GALNT16: variants seen among roughly 807,000 people sequenced by gnomAD.
The protein encoded by GALNT16 is polypeptide N-acetylgalactosaminyltransferase 16.
GALNT16 carries 40 observed loss-of-function variants against 76.1 expected under a neutral mutation model. The observed-to-expected ratio is 0.53, with a 90% confidence interval of 0.41 to 0.68. The LOEUF (loss-of-function observed/expected upper bound fraction) is 0.68. Among genes scored for constraint, GALNT16 ranks in the 30% least tolerant of loss-of-function variants. The pLI is 0.00. For synonymous variants in GALNT16, 276 were observed against 285.2 expected, an observed-to-expected ratio of 0.97 and a Z score of 0.32; for missense variants, 621 against 731.9, an observed-to-expected ratio of 0.85 and a Z score of 1.75.
chr14:69,378,411 G>C, the GALNT16 span, among the ~76,000 whole-genome samples: 7 of 152,148 alleles, frequency 4.6e-5, no homozygotes, highest in African/African-American at 1.7e-4. Flanking sequence ...AATCAAACCT[G>C]TTTTACTTGT....
intron 9 of GALNT16, among the ~76,000 whole-genome samples, chr14:69,336,003 C>G (rs2045410770): frequency 6.6e-6 from 1 of 152,146 alleles, no homozygotes; most frequent in African/African-American, 2.4e-5. Context: ...GAGGAAAACC[C>G]AAACTCCTTA....
intron 6 of GALNT16, among the ~76,000 whole-genome samples, chr14:69,331,251 A>T (rs1171096486): frequency 6.6e-6 from 1 of 152,194 alleles, no homozygotes; most frequent in Non-Finnish European, 1.5e-5. Flanking sequence ...TGGAGAGTAC[A>T]TGGGAGCCAA....
chr14:69,306,151 G>A (rs1467084585), intron 1 of GALNT16, among the ~76,000 whole-genome samples: 1 of 152,192 alleles, frequency 6.6e-6, no homozygotes, highest in African/African-American at 2.4e-5. Flanking sequence ...ACTGTTGTTT[G>A]ATGACTGTAG....
chr14:69,265,779 G>A (rs2044334866), intron 1 of GALNT16, among the ~76,000 whole-genome samples: 1 of 152,210 alleles, frequency 6.6e-6, no homozygotes, highest in Non-Finnish European at 1.5e-5. Context: ...CAGTGTGCTT[G>A]CCTGGTACAG....
At chr14:69,374,846 G>T in the GALNT16 span, among the ~76,000 whole-genome samples, 2 of 152,180 alleles carry the variant, frequency 1.3e-5, no homozygotes, top group Non-Finnish European at 2.9e-5. Flanking sequence ...ATCCCATGGT[G>T]GAAGGCAGAA....
intron 1 of GALNT16, among the ~76,000 whole-genome samples, chr14:69,320,057 C>T (rs757932041): frequency 3.3e-5 from 5 of 151,778 alleles, no homozygotes; most frequent in Non-Finnish European, 7.4e-5. Flanking sequence ...GACACCTTGC[C>T]TTAGAGGTCT....
At chr14:69,285,887 C>T (rs2044604412) in intron 1 of GALNT16, among the ~76,000 whole-genome samples, 1 of 152,188 alleles carries the variant, frequency 6.6e-6, no homozygotes, top group Non-Finnish European at 1.5e-5. Context: ...GGCATGCAAC[C>T]ATAGTGACCC....
intron 1 of GALNT16, among the ~76,000 whole-genome samples, chr14:69,288,146 T>C (rs140614393): frequency 6.0e-4 from 92 of 152,318 alleles, no homozygotes; most frequent in African/African-American, 2.2e-3. Flanking sequence ...GGAAGTGACC[T>C]GGACAGCCGC....
In GALNT16 at chr14:69,333,388, C is replaced by A. The variant is rs2045380495; in HGVS notation, c.864-109C>A. ...CTGGCCAGACATCCTGCCCCAGTGA[C>A]TCTGCAGGGAGGGATCTAGAGGCAG... On this transcript the variant is annotated intron_variant, in intron 8 of 14. Coordinates refer to ENST00000448469, the MANE Select transcript of GALNT16 (RefSeq NM_001168368.2). The surrounding 1 kb of genome is among the most constrained non-coding windows in gnomAD (Gnocchi z 4.2). The A allele has an allele frequency of 1.3e-6, 1 of 746,474 alleles. No homozygotes were observed. The highest frequency in any genetic ancestry group is 2.4e-5 in the Admixed American group (1 of 41,684). The allele number at this position is 746,474 out of a possible 1,614,324, so 46.2% of individuals were successfully genotyped here.
chr14:69,296,319 C>T (rs568321940), intron 1 of GALNT16, among the ~76,000 whole-genome samples: 24 of 152,274 alleles, frequency 1.6e-4, no homozygotes, highest in African/African-American at 2.6e-4. Context: ...GCCCCATCTC[C>T]AACACTGGGG....
At chr14:69,291,554 A>G (rs2044687214) in intron 1 of GALNT16, among the ~76,000 whole-genome samples, 2 of 152,186 alleles carry the variant, frequency 1.3e-5, no homozygotes, top group African/African-American at 4.8e-5. Flanking sequence ...TTCCACAGAC[A>G]TGCGCCAAGC....
chr14:69,381,698 C>CT, the GALNT16 span, among the ~76,000 whole-genome samples: 2 of 151,804 alleles, frequency 1.3e-5, no homozygotes, highest in Admixed American at 1.3e-4. Context: ...CCGACCCCTG[C>CT]TTTTTTTTGA....
chr14:69,307,978 C>T lies in GALNT16; in HGVS notation c.178-12733C>T, dbSNP rs998926259. The stretch of plus-strand genomic sequence containing the variant: ...TCAAGTTGGGTTGCCAACCATCACA[C>T]GAATGATGAATTCACCTGCAAAAGC... On this transcript the variant is annotated intron_variant, in intron 1 of 14. Coordinates refer to ENST00000448469, the MANE Select transcript of GALNT16 (RefSeq NM_001168368.2). 2.0e-5 allele frequency among the ~76,000 whole-genome samples: 3 copies of T among 152,196 alleles called. No homozygotes were observed. The East Asian group carries it at 5.8e-4, about 29-fold the overall frequency.
intron 7 of GALNT16, chr14:69,332,719 A>C (rs955027615): frequency 5.2e-6 from 1 of 190,694 alleles, no homozygotes; most frequent in Non-Finnish European, 1.1e-5. Context: ...AGGTATCTTC[A>C]TGGATCTATC....
At chr14:69,325,817 G>A in intron 4 of GALNT16, 145 bp from the exon 5 acceptor site, 1 of 681,348 alleles carries the variant, frequency 1.5e-6, no homozygotes. Context: ...CAACCCTTCG[G>A]CCAGTAGTGA....
intron 1 of GALNT16, among the ~76,000 whole-genome samples, chr14:69,307,822 G>A (rs2044959110): frequency 6.6e-6 from 1 of 152,196 alleles, no homozygotes; most frequent in Non-Finnish European, 1.5e-5. Context: ...CTAAGTACCA[G>A]CCTCCTGGGA....
rs1272527875 is a variant in GALNT16 at position 69,352,217 on chromosome 14, G to A, written c.*49G>A. ...CCTTTTGCATGAGACTTCGGGACCG[G>A]AAGGGGGTTAGGGTGGGGGAGTGCA... On this transcript the variant is annotated 3_prime_UTR_variant, in exon 15 of 15. Coordinates refer to ENST00000448469, the MANE Select transcript of GALNT16 (RefSeq NM_001168368.2). 6.5e-7 allele frequency: 1 copy of A among 1,537,278 alleles called. No homozygotes were observed. The highest frequency in any genetic ancestry group is 1.4e-5 in the African/African-American group (1 of 72,846).
intron 1 of GALNT16, among the ~76,000 whole-genome samples, chr14:69,266,078 G>A (rs2044339416): frequency 6.6e-6 from 1 of 152,192 alleles, no homozygotes; most frequent in Non-Finnish European, 1.5e-5. Flanking sequence ...CCGACACTAG[G>A]TGTTTCTCAC....
At chr14:69,374,699 G>A in the GALNT16 span, among the ~76,000 whole-genome samples, 1 of 152,216 alleles carries the variant, frequency 6.6e-6, no homozygotes, top group Non-Finnish European at 1.5e-5. Flanking sequence ...ACTGAGTGAT[G>A]TGTTAGTCTA....
Sources: allele counts gnomAD v4.1 joint callset (sites outside exome capture counted in the v4.1 genomes callset), GRCh38; gene constraint gnomAD v4.1.1; non-coding constraint Gnocchi (gnomAD v3.1); transcripts MANE v1.5; gene names NCBI Gene and HGNC (gene_info 2026-07-23, HGNC 2026-07-21).